SHMT1: variants seen among roughly 807,000 people sequenced by gnomAD.
The protein encoded by SHMT1 is serine hydroxymethyltransferase, cytosolic.
In SHMT1, 45 loss-of-function variants were observed where a neutral mutation model predicts 49.0. The observed-to-expected ratio is 0.92, with a 90% CI of 0.72 to 1.18. The LOEUF is 1.18. SHMT1 is among the 50% of genes most tolerant of loss of function. The pLI, the probability that SHMT1 is intolerant of heterozygous loss-of-function variation, is 0.00. For missense variants in SHMT1, 541 were observed against 612.4 expected (o/e 0.88, Z 1.23); for synonymous variants, 232 against 246.6 (o/e 0.94, Z 0.55).
intron 1 of SHMT1, among the ~76,000 whole-genome samples, chr17:18,356,292 T>C (rs537992032): frequency 3.7e-4 from 57 of 152,252 alleles, no homozygotes; most frequent in Middle Eastern, 3.4e-3. Context: ...TCCGCCCACG[T>C]TGGCTTCCCA....
At chr17:18,350,993 G>C (rs181745452) in intron 3 of SHMT1, among the ~76,000 whole-genome samples, 1 of 151,864 alleles carries the variant, frequency 6.6e-6, no homozygotes, top group East Asian at 1.9e-4. Context: ...TCAGCCTCCC[G>C]AAGTGCTGGG....
chr17:18,351,165 C>T (rs1467049010), intron 3 of SHMT1, among the ~76,000 whole-genome samples: 3 of 148,662 alleles, frequency 2.0e-5, no homozygotes, highest in African/African-American at 2.5e-5. Context: ...TTTTTTGAGA[C>T]GGAATCTCAC....
At chr17:18,345,359 GT>G (rs755495337) in intron 5 of SHMT1, among the ~76,000 whole-genome samples, 4 of 152,154 alleles carry the variant, frequency 2.6e-5, no homozygotes, top group Admixed American at 1.3e-4. Flanking sequence ...CCAGGTTCAA[GT>G]GGTTCTCCTG....
chr17:18,341,703 G>T (rs1984542953), intron 5 of SHMT1: 1 of 138,790 alleles, frequency 7.2e-6, no homozygotes, highest in Non-Finnish European at 1.6e-5. Context: ...GATAGAAAAT[G>T]AAATGTAAAT....
At chr17:18,346,014 T>C (rs1174758430) in intron 5 of SHMT1, among the ~76,000 whole-genome samples, 1 of 151,742 alleles carries the variant, frequency 6.6e-6, no homozygotes, top group Non-Finnish European at 1.5e-5. Flanking sequence ...TTGTGACATG[T>C]TTCAAAATCT....
chr17:18,332,223 T>C (rs1983290038), intron 9 of SHMT1: 1 of 152,188 alleles, frequency 6.6e-6, no homozygotes. Context: ...ACATGGAGGA[T>C]GAAGGGAGAA....
chr17:18,331,858 G>A (rs1301775422), intron 9 of SHMT1: 2 of 152,224 alleles, frequency 1.3e-5, no homozygotes, highest in Non-Finnish European at 2.9e-5. Context: ...ATGGTTTTGG[G>A]ATGAAACTTC....
chr17:18,348,190 G>A, intron 4 of SHMT1, 135 bp downstream of exon 4: 1 of 715,826 alleles, frequency 1.4e-6, no homozygotes, highest in Non-Finnish European at 2.5e-6. Context: ...AAAGTGCTGG[G>A]ATTACAGGCG....
intron 8 of SHMT1, 97 bp downstream of exon 8, chr17:18,335,462 T>C (rs1308497714): frequency 7.2e-6 from 6 of 833,934 alleles, no homozygotes; most frequent in African/African-American, 1.7e-5. Context: ...GCCCTCCAGC[T>C]TTTTCCCCAG....
At chr17:18,353,919 AT>A in intron 2 of SHMT1, 102 bp from the exon 3 acceptor site, 1 of 1,017,068 alleles carries the variant, frequency 9.8e-7, no homozygotes, top group Non-Finnish European at 1.6e-6. Flanking sequence ...ACTCTTTCAC[AT>A]TATGGAATAG....
At chr17:18,347,757 A>G in intron 4 of SHMT1, 101 bp from the exon 5 acceptor site, 1 of 1,328,836 alleles carries the variant, frequency 7.5e-7, no homozygotes, top group Non-Finnish European at 1.1e-6. Context: ...AGTGGCGAGA[A>G]CAGGCCTTGT....
At chr17:18,349,738 G>A (rs915619903) in intron 3 of SHMT1, among the ~76,000 whole-genome samples, 4 of 151,906 alleles carry the variant, frequency 2.6e-5, no homozygotes, top group South Asian at 2.1e-4. Context: ...TAAATAGGCC[G>A]GGCCCGGCGT....
intron 7 of SHMT1, among the ~76,000 whole-genome samples, chr17:18,336,460 G>A (rs1034293696): frequency 3.9e-5 from 6 of 152,096 alleles, no homozygotes; most frequent in Non-Finnish European, 8.8e-5. Flanking sequence ...AAGGTCAGGA[G>A]TTCAAGACCA....
intron 7 of SHMT1, among the ~76,000 whole-genome samples, chr17:18,337,346 A>G (rs2151573536): frequency 6.6e-6 from 1 of 152,120 alleles, no homozygotes; most frequent in African/African-American, 2.4e-5. Flanking sequence ...ACAGTGGGGG[A>G]AAAAACCAAA....
chr17:18,352,483 C>G (rs1567790142), intron 3 of SHMT1, among the ~76,000 whole-genome samples: 1 of 152,086 alleles, frequency 6.6e-6, no homozygotes, highest in Non-Finnish European at 1.5e-5. Flanking sequence ...ACCCCTTGCT[C>G]GATACATTGC....
In SHMT1 at chr17:18,339,964, C is replaced by T. The variant is rs1598031302; in HGVS notation, c.814+79G>A. ...GATCCCAGGTCAGAGTTTTTCCCAG[C>T]TCCCTCAACTGAATCTGAACCCCCA... is the stretch of plus-strand genomic sequence containing the variant. On this transcript the variant is annotated intron_variant, in intron 7 of 11. Coordinates refer to ENST00000316694, the MANE Select transcript of SHMT1 (RefSeq NM_004169.5). The T allele has an allele frequency of 2.1e-6, 3 of 1,408,102 alleles. No homozygotes were observed. In the East Asian group the frequency reaches 7.0e-5, roughly 33 times the overall value. The allele number at this position is 1,408,102 out of a possible 1,614,324, so 87.2% of individuals were successfully genotyped here.
intron 7 of SHMT1, 137 bp from the exon 8 acceptor site, chr17:18,335,812 C>A: frequency 1.3e-6 from 1 of 753,748 alleles, no homozygotes; most frequent in South Asian, 1.4e-5. Flanking sequence ...TGATTTGTAA[C>A]ACAGCGGAGC....
Position 18,328,714 on chromosome 17 carries a change from T to C in SHMT1, c.*36A>G. Reference sequence around the variant, plus strand: ...GGGTCCTCCGGCAGGCAGCTTCCTCTGTGGCGCCAGGTGGGTCCAGAGTGG... The same window carrying C: ...GGGTCCTCCGGCAGGCAGCTTCCTCCGTGGCGCCAGGTGGGTCCAGAGTGG... On this transcript the variant is annotated 3_prime_UTR_variant, in exon 12 of 12. Coordinates refer to ENST00000316694, the MANE Select transcript of SHMT1 (RefSeq NM_004169.5). 6.5e-7 allele frequency: 1 copy of C among 1,549,228 alleles called. No homozygotes were observed. Among genetic ancestry groups the C allele is most frequent in the Non-Finnish European group, 8.7e-7 (1 of 1,147,342 alleles).
chr17:18,352,870 CCT>C (rs556955104), intron 3 of SHMT1, among the ~76,000 whole-genome samples: 3 of 149,924 alleles, frequency 2.0e-5, no homozygotes, highest in African/African-American at 7.4e-5. Flanking sequence ...AATACCTTAG[CCT>C]GAAAGAAGAA....
Sources: gnomAD v4.1 joint callset for allele counts (sites outside exome capture counted in the v4.1 genomes callset) on GRCh38, gnomAD v4.1.1 for gene constraint, MANE v1.5 for transcripts, NCBI Gene and HGNC (gene_info 2026-07-23, HGNC 2026-07-21) for gene names.